Variants in SCLT1 observed in about 807,000 individuals in gnomAD.
SCLT1 encodes sodium channel and clathrin linker 1, also known as sodium channel-associated protein 1.
SCLT1 carries 78 observed loss-of-function variants against 112.8 expected under a neutral mutation model. The ratio of observed to expected loss-of-function variants is 0.69; its 90% CI spans 0.58 to 0.83. The LOEUF is 0.83. SCLT1 is among the 40% of genes least tolerant of loss of function. SCLT1 has a pLI of 0.00. For missense variants in SCLT1, 747 were observed against 770.4 expected, an observed-to-expected ratio of 0.97 and a Z score of 0.36; for synonymous variants, 257 against 254.7, an observed-to-expected ratio of 1.01 and a Z score of -0.09.
At chr4:128,999,842 T>C (rs910403434) in intron 6 of SCLT1, 48 bp from the exon 7 acceptor site, 3 of 1,387,946 alleles carry the variant, frequency 2.2e-6, no homozygotes, top group Admixed American at 1.9e-5. Flanking sequence ...AGGCTATTTA[T>C]TGTATAGTAC....
chr4:128,890,969 G>T, intron 19 of SCLT1, 90 bp downstream of exon 19: 2 of 825,930 alleles, frequency 2.4e-6, no homozygotes, highest in South Asian at 1.6e-5. Context: ...TCCAAGTAGA[G>T]AAATAATTTG....
At chr4:129,072,864 G>T (rs1751143634) in intron 2 of SCLT1, among the ~76,000 whole-genome samples, 1 of 152,000 alleles carries the variant, frequency 6.6e-6, no homozygotes, top group Non-Finnish European at 1.5e-5. Context: ...TTCTTGGGGG[G>T]TGCTGAAGAG....
Position 129,010,542 on chromosome 4 carries a change from C to T in SCLT1, c.291-6666G>A, listed in dbSNP as rs574855599. 7.0e-4 allele frequency among the ~76,000 whole-genome samples: 107 copies of T among 152,278 alleles called. 2 individuals are homozygous for T. The highest frequency in any genetic ancestry group is 2.5e-3 in the African/African-American group (104 of 41,564). On this transcript the variant is annotated intron_variant, in intron 5 of 20. Transcript: ENST00000281142. ...TTTTACAATATTGATGCTTTCTATCCATGAGCATGGAACATTTTTTCATTT... is the reference window on the plus strand; with the variant it reads ...TTTTACAATATTGATGCTTTCTATCTATGAGCATGGAACATTTTTTCATTT...
At chr4:129,037,667 G>A (rs1747302967) in intron 5 of SCLT1, 1 of 152,156 alleles carries the variant, frequency 6.6e-6, no homozygotes, top group Admixed American at 6.5e-5. Flanking sequence ...GCACTTAAAT[G>A]TAAGTGAATT....
chr4:129,067,717 G>T (rs545963493), intron 2 of SCLT1, among the ~76,000 whole-genome samples: 12 of 152,140 alleles, frequency 7.9e-5, no homozygotes, highest in African/African-American at 2.6e-4. Context: ...TCACCATGTT[G>T]GCCAGGCTGG....
chr4:129,033,100 G>A (rs559262862), intron 5 of SCLT1, among the ~76,000 whole-genome samples: 1 of 152,014 alleles, frequency 6.6e-6, no homozygotes, highest in South Asian at 2.1e-4. Context: ...CCATCAATGA[G>A]AGACTGGATA....
chr4:129,047,177 T>C (rs1748261247), intron 2 of SCLT1, among the ~76,000 whole-genome samples: 1 of 152,124 alleles, frequency 6.6e-6, no homozygotes, highest in South Asian at 2.1e-4. Flanking sequence ...ATGTGCTGTT[T>C]AAGCCATCCT....
chr4:128,908,201 G>T (rs901832771), intron 18 of SCLT1, among the ~76,000 whole-genome samples: 1 of 152,084 alleles, frequency 6.6e-6, no homozygotes, highest in Non-Finnish European at 1.5e-5. Context: ...TGAAATGATG[G>T]ATCTGCCAGC....
chr4:128,892,241 C>T (rs1312406016), intron 18 of SCLT1, among the ~76,000 whole-genome samples: 4 of 152,054 alleles, frequency 2.6e-5, no homozygotes. Flanking sequence ...TACAATGTAG[C>T]CTTAAAAGTA....
Position 128,884,282 on chromosome 4 carries a change from T to C in SCLT1, c.*195A>G. 2.2e-6 allele frequency: 1 copy of C among 457,818 alleles called. No individual in the cohort carries two copies. Among genetic ancestry groups the C allele is most frequent in the South Asian group, 5.1e-5 (1 of 19,748 alleles). The allele number at this position is 457,818 out of a possible 1,614,324, so 28.4% of individuals were successfully genotyped here. ...GTTTATTCTCCACTGAAGCTCAATA[T>C]AGGATTATATTTTCTTTACTTACAG... On this transcript the variant is annotated 3_prime_UTR_variant, in exon 21 of 21. Transcript: ENST00000281142.
At chr4:128,880,412 A>G (rs1035227155), downstream of SCLT1, among the ~76,000 whole-genome samples, 1 of 152,224 alleles carries the variant, frequency 6.6e-6, no homozygotes, top group East Asian at 1.9e-4. Context: ...GGTGCAATAA[A>G]TATGGCAGTA....
chr4:128,959,693 CT>C lies in SCLT1; in HGVS notation c.953del (p.Lys318SerfsTer5), dbSNP rs1185601403. The C allele has an allele frequency of 1.2e-6, 2 of 1,613,392 alleles. No individual in the cohort carries two copies. Among genetic ancestry groups the C allele is most frequent in the African/African-American group, 1.3e-5 (1 of 74,896 alleles). On this transcript the variant is annotated frameshift_variant, in exon 12 of 21. Coordinates refer to ENST00000281142, the MANE Select transcript of SCLT1 (RefSeq NM_144643.4). LOFTEE classifies it high-confidence loss of function. ...ATCTCTCATTTTCTAATTCATTGCA[CT>C]TTGCTTGTAGCTCTCTGGTCTGTTT... ...LEKQTRELQA[K>X]CNELENERYE...
At chr4:128,947,654 C>G (rs888977079) in intron 15 of SCLT1, among the ~76,000 whole-genome samples, 10 of 152,114 alleles carry the variant, frequency 6.6e-5, no homozygotes, top group Admixed American at 6.5e-5. Context: ...ATTTGGCCTC[C>G]TTTTCTTTTC....
chr4:129,007,715 G>A (rs1023352197), intron 5 of SCLT1, among the ~76,000 whole-genome samples: 12 of 152,150 alleles, frequency 7.9e-5, no homozygotes, highest in African/African-American at 2.4e-4. Context: ...ATGTAGTACA[G>A]CAAAATTTAA....
intron 2 of SCLT1, among the ~76,000 whole-genome samples, chr4:129,072,674 A>G (rs897144068): frequency 1.2e-4 from 18 of 152,004 alleles, no homozygotes; most frequent in Non-Finnish European, 7.4e-5. Context: ...TCTTCAAGCT[A>G]TCTATTTCCT....
At chr4:128,973,745 A>G (rs893913601) in intron 9 of SCLT1, among the ~76,000 whole-genome samples, 2 of 152,198 alleles carry the variant, frequency 1.3e-5, no homozygotes, top group Non-Finnish European at 2.9e-5. Context: ...CTAATTTGGA[A>G]GTCATTATAA....
chr4:128,912,970 G>A (rs537516599), intron 18 of SCLT1, among the ~76,000 whole-genome samples: 14 of 152,308 alleles, frequency 9.2e-5, no homozygotes, highest in African/African-American at 3.4e-4. Context: ...GTTACCAAAT[G>A]TGATTTGCTG....
chr4:128,993,760 GTTGATGCAT>G (rs1742777244), intron 8 of SCLT1, among the ~76,000 whole-genome samples: 1 of 151,954 alleles, frequency 6.6e-6, no homozygotes, highest in Non-Finnish European at 1.5e-5. Context: ...AGATTTTATG[GTTGATGCAT>G]TTTTGCAACT....
intron 5 of SCLT1, among the ~76,000 whole-genome samples, chr4:129,025,385 G>C (rs2126131582): frequency 6.6e-6 from 1 of 152,236 alleles, no homozygotes; most frequent in East Asian, 1.9e-4. Flanking sequence ...AGAGAGTGGG[G>C]GCCAATATTC....
Sources: gnomAD v4.1 joint callset for allele counts (sites outside exome capture counted in the v4.1 genomes callset) on GRCh38, gnomAD v4.1.1 for gene constraint, MANE v1.5 for transcripts, NCBI Gene and HGNC (gene_info 2026-07-23, HGNC 2026-07-21) for gene names.